Variants in TIAM2 observed in about 807,000 individuals in gnomAD.
The protein encoded by TIAM2 is TIAM Rac1 associated GEF 2.
TIAM2 carries 80 observed loss-of-function variants against 152.9 expected under a neutral mutation model. The ratio of observed to expected loss-of-function variants is 0.52; its 90% confidence interval spans 0.44 to 0.63. TIAM2 has a LOEUF of 0.63. TIAM2 is among the 30% of genes least tolerant of loss of function. The pLI, the probability that TIAM2 is intolerant of heterozygous loss-of-function variation, is 0.00. For missense variants in TIAM2, 1,965 were observed against 2,120.1 expected, an observed-to-expected ratio of 0.93 and a Z score of 1.44; for synonymous variants, 804 against 838.0, an observed-to-expected ratio of 0.96 and a Z score of 0.70.
At chr6:155,070,731 A>T (rs1183065126) in intron 1 of TIAM2, among the ~76,000 whole-genome samples, 1 of 152,172 alleles carries the variant, frequency 6.6e-6, no homozygotes, top group Admixed American at 6.5e-5. Context: ...TAAACTGATC[A>T]TCTTAGTCCT....
intron 1 of TIAM2, among the ~76,000 whole-genome samples, chr6:155,064,433 A>G (rs888058284): frequency 6.6e-6 from 1 of 152,238 alleles, no homozygotes; most frequent in African/African-American, 2.4e-5. Flanking sequence ...TTATGTATCC[A>G]GCTTGCCTAT....
At position 155,144,597 on chromosome 6, in the gene TIAM2, G is replaced by A. The variant is rs1433916588; in HGVS notation, c.1631-9G>A. 3.3e-6 allele frequency: 5 copies of A among 1,507,448 alleles called. No homozygotes were observed. Among genetic ancestry groups the A allele is most frequent in the Non-Finnish European group, 4.4e-6 (5 of 1,134,612 alleles). The allele number at this position is 1,507,448 out of a possible 1,614,324, so 93.4% of individuals were successfully genotyped here. ...GACCGGGATGTTATTTTGCTTCTCT[G>A]TTTCACAGGATGCACGCTGCTGTTT... On this transcript the variant is annotated splice_polypyrimidine_tract_variant and intron_variant, in intron 5 of 26. Coordinates refer to ENST00000682666, the MANE Select transcript of TIAM2 (RefSeq NM_012454.4).
chr6:155,005,065 C>A, intron 1 of TIAM2: 1 of 436,504 alleles, frequency 2.3e-6, no homozygotes, highest in Admixed American at 3.1e-5. Context: ...GTCAGTTGCA[C>A]CAGAGTAGAA....
intron 1 of TIAM2, among the ~76,000 whole-genome samples, chr6:155,008,911 G>T (rs940745000): frequency 7.2e-5 from 11 of 152,104 alleles, no homozygotes; most frequent in African/African-American, 2.7e-4. Context: ...TGGGGCAGTT[G>T]CTTAGCATGT....
At chr6:155,005,104 T>C in intron 1 of TIAM2, 1 of 276,036 alleles carries the variant, frequency 3.6e-6, no homozygotes, top group Non-Finnish European at 7.2e-6. Flanking sequence ...GGAGGTCAGG[T>C]TGCCCAAGGC....
At chr6:155,056,203 G>A (rs1408511905) in intron 1 of TIAM2, among the ~76,000 whole-genome samples, 10 of 115,782 alleles carry the variant, frequency 8.6e-5, no homozygotes, top group African/African-American at 3.2e-4. Context: ...ACAGAGTCTC[G>A]CTCTGTCATC....
chr6:155,254,706 AC>A, intron 26 of TIAM2, 133 bp downstream of exon 26: 12 of 1,159,814 alleles, frequency 1.0e-5, no homozygotes, highest in Non-Finnish European at 1.4e-5. Flanking sequence ...CTTTTAAGAA[AC>A]CTAAACATGC....
At chr6:155,017,118 T>A (rs1778604533) in intron 1 of TIAM2, among the ~76,000 whole-genome samples, 1 of 152,110 alleles carries the variant, frequency 6.6e-6, no homozygotes, top group Non-Finnish European at 1.5e-5. Context: ...TAGTTTTCCC[T>A]CCTTGCCCAC....
rs769194007 is a variant in TIAM2 at position 155,256,968 on chromosome 6, G to C, written c.4953G>C (p.Lys1651Asn). ...AGAGGGACAGAGGAACTTTGCTCAA[G>C]GCGCAGATCCGTCACCAGTCCCTTG... Reference protein sequence around the residue: ...STKRDRGTLLKAQIRHQSLDS... With the variant: ...STKRDRGTLLNAQIRHQSLDS... The change falls in exon 27 of 27, where the codon AAG (lysine) becomes AAC (asparagine). Residue 1651 changes from lysine (K) to asparagine (N), a missense_variant. Physicochemically the swap from Lys to Asn is moderately conservative, Grantham distance 94. Around this residue, in one of 3 missense-constraint regions of TIAM2, gnomAD observed 935 missense variants for 980.0 expected, o/e 0.95. Coordinates refer to ENST00000682666, the MANE Select transcript of TIAM2 (RefSeq NM_012454.4). The C allele has an allele frequency of 6.2e-7, 1 of 1,614,018 alleles. No homozygotes were observed.
Position 155,213,950 on chromosome 6 carries a change from C to A in TIAM2, c.3168+2643C>A, listed in dbSNP as rs1241414549. On this transcript the variant is annotated intron_variant, in intron 15 of 26. Coordinates refer to ENST00000682666, the MANE Select transcript of TIAM2 (RefSeq NM_012454.4). This position sits in a 1 kb window ranked among gnomAD's most constrained non-coding sequence, Gnocchi z 4.2. ...CAGTGGGAGCAGGCTACTTTCGAGCCTGTGGGGGCAATGGGTCCTTCCTAG... is the reference window on the plus strand; with the variant it reads ...CAGTGGGAGCAGGCTACTTTCGAGCATGTGGGGGCAATGGGTCCTTCCTAG... 6.6e-6 allele frequency among the ~76,000 whole-genome samples: 1 copy of A among 152,226 alleles called. No individual in the cohort carries two copies. Among genetic ancestry groups the A allele is most frequent in the Non-Finnish European group, 1.5e-5 (1 of 68,040 alleles).
chr6:155,113,650 G>A (rs1778916795), intron 2 of TIAM2, among the ~76,000 whole-genome samples: 1 of 152,080 alleles, frequency 6.6e-6, no homozygotes, highest in Non-Finnish European at 1.5e-5. Flanking sequence ...CATGAACCCA[G>A]GAGGTGGAGG....
At chr6:155,074,654 G>A (rs961136709) in intron 1 of TIAM2, among the ~76,000 whole-genome samples, 3 of 152,108 alleles carry the variant, frequency 2.0e-5, no homozygotes, top group African/African-American at 4.8e-5. Context: ...AGCCTGTAAC[G>A]ATAAGTTTAT....
intron 5 of TIAM2, 61 bp from the exon 6 acceptor site, chr6:155,144,545 C>T: frequency 7.0e-7 from 1 of 1,424,634 alleles, no homozygotes; most frequent in South Asian, 1.7e-5. Context: ...ACTTACCCTC[C>T]CAGTCCTTTC....
intron 4 of TIAM2, among the ~76,000 whole-genome samples, chr6:155,133,725 C>T (rs1209408148): frequency 6.7e-6 from 1 of 148,658 alleles, no homozygotes; most frequent in East Asian, 1.9e-4. Flanking sequence ...AGTGACATCT[C>T]TTGAGTTTTT....
At chr6:155,003,424 G>T (rs1273960828) in intron 1 of TIAM2, among the ~76,000 whole-genome samples, 8 of 150,312 alleles carry the variant, frequency 5.3e-5, no homozygotes, top group Non-Finnish European at 8.9e-5. Context: ...AGGTTGCAGT[G>T]AGCCGAGATC....
intron 9 of TIAM2, chr6:155,168,903 G>C (rs1163891754): frequency 6.5e-7 from 1 of 1,535,498 alleles, no homozygotes; most frequent in East Asian, 2.4e-5. Flanking sequence ...CAAAACTCCA[G>C]TAACTCCAGT....
At chr6:155,093,784 G>A (rs1028320041) in intron 2 of TIAM2, among the ~76,000 whole-genome samples, 1 of 152,200 alleles carries the variant, frequency 6.6e-6, no homozygotes, top group African/African-American at 2.4e-5. Context: ...TTCAATGCTT[G>A]TATGTCAGTG....
intron 1 of TIAM2, among the ~76,000 whole-genome samples, chr6:155,044,804 G>A (rs1265865182): frequency 1.3e-5 from 2 of 151,240 alleles, no homozygotes; most frequent in East Asian, 3.9e-4. Flanking sequence ...CTCCAGCCTG[G>A]GCGACAGAGC....
intron 12 of TIAM2, among the ~76,000 whole-genome samples, chr6:155,181,309 C>T (rs1357605483): frequency 6.6e-6 from 1 of 152,134 alleles, no homozygotes; most frequent in Non-Finnish European, 1.5e-5. Context: ...GTATTTAGGG[C>T]AAGCACCGTA....
Sources: allele counts gnomAD v4.1 joint callset (sites outside exome capture counted in the v4.1 genomes callset), GRCh38; gene constraint gnomAD v4.1.1; regional missense constraint gnomAD v4.1.1; non-coding constraint Gnocchi (gnomAD v3.1); transcripts MANE v1.5; gene names NCBI Gene and HGNC (gene_info 2026-07-23, HGNC 2026-07-21).